Variants in COLEC10 observed in about 807,000 individuals in gnomAD.
COLEC10 encodes the protein collectin subfamily member 10.
COLEC10 carries 22 observed loss-of-function variants against 28.4 expected under a neutral mutation model. The ratio of observed to expected loss-of-function variants is 0.78; its 90% CI spans 0.55 to 1.11. The LOEUF (loss-of-function observed/expected upper bound fraction) is 1.11. Ranked by LOEUF, COLEC10 falls within the 50% of genes least tolerant of loss-of-function variation. The pLI, the probability that COLEC10 is intolerant of heterozygous loss-of-function variation, is 0.00. For synonymous variants in COLEC10, 125 were observed against 116.1 expected (o/e 1.08, Z -0.49); for missense variants, 361 against 344.1 (o/e 1.05, Z -0.39).
At chr8:119,059,661 C>T (rs1814819505) in intron 2 of COLEC10, among the ~76,000 whole-genome samples, 1 of 152,062 alleles carries the variant, frequency 6.6e-6, no homozygotes. Flanking sequence ...GCAATTCTCA[C>T]CAACTGCCAT....
chr8:119,015,636 C>T (rs547312511), intron 2 of COLEC10, among the ~76,000 whole-genome samples: 41 of 152,258 alleles, frequency 2.7e-4, no homozygotes, highest in Non-Finnish European at 3.8e-4. Flanking sequence ...GAGACTTCAA[C>T]AATATGTTGG....
At chr8:118,967,815 T>C in the COLEC10 span, among the ~76,000 whole-genome samples, 29 of 152,210 alleles carry the variant, frequency 1.9e-4, no homozygotes, top group African/African-American at 6.7e-4. Context: ...TTTTCATTAA[T>C]CATATTAGCA....
intron 2 of COLEC10, among the ~76,000 whole-genome samples, chr8:119,052,440 A>G (rs886746048): frequency 2.0e-5 from 3 of 152,126 alleles, no homozygotes; most frequent in African/African-American, 7.2e-5. Context: ...AACTCCTGCC[A>G]TTACCCAAGG....
intron 2 of COLEC10, among the ~76,000 whole-genome samples, chr8:119,015,947 G>T (rs988962093): frequency 2.0e-5 from 3 of 152,242 alleles, no homozygotes; most frequent in African/African-American, 7.2e-5. Flanking sequence ...TTGTGTACCA[G>T]GTAGTGATTG....
intron 2 of COLEC10, among the ~76,000 whole-genome samples, chr8:119,026,294 C>T (rs1359675372): frequency 6.6e-6 from 1 of 152,116 alleles, no homozygotes; most frequent in East Asian, 1.9e-4. Flanking sequence ...TGGCTCATGC[C>T]TGTAATCCTA....
At chr8:118,992,484 T>C (rs1813519231), upstream of COLEC10, among the ~76,000 whole-genome samples, 1 of 152,152 alleles carries the variant, frequency 6.6e-6, no homozygotes, top group African/African-American at 2.4e-5. Context: ...TATAAGTTTA[T>C]AGGAAGAGGA....
chr8:118,992,285 C>G (rs1230309380), upstream of COLEC10, among the ~76,000 whole-genome samples: 1 of 152,054 alleles, frequency 6.6e-6, no homozygotes, highest in East Asian at 1.9e-4. Flanking sequence ...TGTCAGTGTG[C>G]TCTTCAGTGT....
At chr8:119,078,115 G>GGTAGGAGGAGAGATCCTCCT (rs1490073919) in intron 1 of COLEC10, among the ~76,000 whole-genome samples, 3 of 152,156 alleles carry the variant, frequency 2.0e-5, no homozygotes, top group Non-Finnish European at 4.4e-5. Flanking sequence ...CCTCCTACAT[G>GGTAGGAGGAGAGATCCTCCT]ACCCAAACAC....
intron 2 of COLEC10, among the ~76,000 whole-genome samples, chr8:119,009,749 G>A (rs1005993102): frequency 2.7e-5 from 4 of 150,388 alleles, no homozygotes; most frequent in Non-Finnish European, 5.9e-5. Context: ...TATAGATTAA[G>A]GATTGAAATC....
chr8:119,067,322 T>C lies in COLEC10; in HGVS notation c.41T>C (p.Ile14Thr). The change falls in exon 1 of 6, where the codon ATC (isoleucine) becomes ACC (threonine). Residue 14 changes from isoleucine (I) to threonine (T), a missense_variant. This residue lies in a region of COLEC10 where 335 missense variants were observed against 308.5 expected (regional missense o/e 1.09). Coordinates refer to ENST00000332843, the MANE Select transcript of COLEC10 (RefSeq NM_006438.5). ...FASLLRRNQF[I>T]LLVLFLLQIQ... ...TCCTTGCTTCGAAGAAACCAATTTATCCTCCTGGTACTATTTCTTTTGCAA... is the reference window on the plus strand; with the variant it reads ...TCCTTGCTTCGAAGAAACCAATTTACCCTCCTGGTACTATTTCTTTTGCAA... 1 of 1,614,004 alleles carries C rather than the reference T, an allele frequency of 6.2e-7. No homozygotes were observed. Among genetic ancestry groups the C allele is most frequent in the Non-Finnish European group, 8.5e-7 (1 of 1,179,918 alleles).
chr8:119,029,642 T>C (rs1397106493), intron 2 of COLEC10, among the ~76,000 whole-genome samples: 1 of 152,124 alleles, frequency 6.6e-6, no homozygotes, highest in African/African-American at 2.4e-5. Context: ...GTCTAATTCA[T>C]GTGCTTTGGG....
intron 3 of COLEC10, among the ~76,000 whole-genome samples, chr8:119,101,894 A>G (rs539108150): frequency 6.6e-6 from 1 of 152,266 alleles, no homozygotes; most frequent in Admixed American, 6.5e-5. Context: ...TGTGCTAACA[A>G]ATTGATCGAG....
At chr8:119,048,174 C>T (rs376068049) in intron 2 of COLEC10, among the ~76,000 whole-genome samples, 13 of 152,268 alleles carry the variant, frequency 8.5e-5, no homozygotes, top group African/African-American at 2.9e-4. Flanking sequence ...TCTGCAGTGT[C>T]TATTGTTCCC....
chr8:118,971,014 A>G, the COLEC10 span, among the ~76,000 whole-genome samples: 699 of 152,034 alleles, frequency 4.6e-3, 4 homozygotes, highest in African/African-American at 0.016. Flanking sequence ...TAGTCTTCCT[A>G]TTTTCACTGT....
At chr8:118,995,662 G>A (rs886502685) in intron 1 of COLEC10, 3 of 152,024 alleles carry the variant, frequency 2.0e-5, no homozygotes, top group African/African-American at 7.2e-5. Flanking sequence ...TTTCAGGGGT[G>A]GGATATAGCC....
intron 2 of COLEC10, among the ~76,000 whole-genome samples, chr8:119,053,798 T>C (rs1302740708): frequency 6.6e-6 from 1 of 152,124 alleles, no homozygotes; most frequent in African/African-American, 2.4e-5. Context: ...TGACTTCAAA[T>C]AATTTACAGT....
Position 119,016,254 on chromosome 8 carries a change from C to T in COLEC10, n.235+6701C>T, listed in dbSNP as rs529098930. ...CCACGTGTTCTCATTGTTCACCTTCCGCTTATAAGTAAGAACATGCAGTGT... is the reference window on the plus strand; with the variant it reads ...CCACGTGTTCTCATTGTTCACCTTCTGCTTATAAGTAAGAACATGCAGTGT... On this transcript the variant is annotated intron_variant and non_coding_transcript_variant, in intron 2 of 6. Coordinates refer to the COLEC10 transcript ENST00000521788. 1.4e-4 allele frequency among the ~76,000 whole-genome samples: 22 copies of T among 152,202 alleles called. 1 individual carries two copies. The highest frequency in any genetic ancestry group is 4.3e-4 in the African/African-American group (18 of 41,520).
intron 1 of COLEC10, among the ~76,000 whole-genome samples, 180 bp from the exon 2 acceptor site, chr8:119,089,500 A>G (rs1815545870): frequency 6.6e-6 from 1 of 152,160 alleles, no homozygotes. Flanking sequence ...ATATACTGGA[A>G]GTTTCTTCCT....
intron 2 of COLEC10, among the ~76,000 whole-genome samples, chr8:119,042,563 T>C (rs1814518993): frequency 6.6e-6 from 1 of 152,080 alleles, no homozygotes; most frequent in African/African-American, 2.4e-5. Context: ...TCCTCATCTG[T>C]GAAATGAGCC....
Sources: allele counts gnomAD v4.1 joint callset (sites outside exome capture counted in the v4.1 genomes callset), GRCh38; gene constraint gnomAD v4.1.1; regional missense constraint gnomAD v4.1.1; transcripts MANE v1.5; gene names NCBI Gene and HGNC (gene_info 2026-07-23, HGNC 2026-07-21).